NPTXR: variants seen among roughly 807,000 people sequenced by gnomAD.
NPTXR encodes the protein neuronal pentraxin receptor.
NPTXR carries 12 observed loss-of-function variants against 32.2 expected under a neutral mutation model. That is an observed-to-expected ratio of 0.37 (90% CI 0.24 to 0.60). The LOEUF is 0.60. NPTXR is among the 20% of genes least tolerant of loss of function. The probability of loss-of-function intolerance (pLI) is 0.66; values close to 1 mark genes in which losing one functional copy is unlikely to be tolerated. For missense variants in NPTXR, 612 were observed against 682.9 expected, an observed-to-expected ratio of 0.90 and a Z score of 1.16; for synonymous variants, 323 against 315.8, an observed-to-expected ratio of 1.02 and a Z score of -0.24.
In NPTXR at chr22:38,821,045, C is replaced by T. The variant is rs772811442; in HGVS notation, c.*1564G>A. On this transcript the variant is annotated 3_prime_UTR_variant, in exon 5 of 5. Transcript: ENST00000333039. ...GAGTAGCTGGGACTACAGGCATGCA[C>T]CACCTAACCAGCTAAGTTTTGTATT... The T allele has an allele frequency of 6.6e-6, 1 of 152,230 alleles. No homozygotes were observed. Among genetic ancestry groups the T allele is most frequent in the African/African-American group, 2.4e-5 (1 of 41,444 alleles). 9.4% of individuals were successfully genotyped at this position (152,230 alleles called of 1,614,324 possible). A position where few individuals can be genotyped will look rare whatever the true frequency, so the allele number is the denominator to read the frequency against.
In NPTXR at chr22:38,843,215, C is replaced by T. The variant is rs2093134182; in HGVS notation, c.624+20G>A. ...CCTCACACCACCCGGGCGGCTCCCC[C>T]GACGGCGCGCGGCGCTCACCTCCAG... On this transcript the variant is annotated intron_variant, in intron 1 of 4. Transcript: ENST00000333039. The surrounding 1 kb of genome is among the most constrained non-coding windows in gnomAD (Gnocchi z 5.3). 5 of 1,305,366 alleles carry T rather than the reference C, an allele frequency of 3.8e-6. No individual in the cohort carries two copies. Among genetic ancestry groups the T allele is most frequent in the South Asian group, 2.3e-5 (1 of 44,362 alleles). The allele number at this position is 1,305,366 out of a possible 1,614,324, so 80.9% of individuals were successfully genotyped here.
Position 38,843,102 on chromosome 22 carries a change from T to A in NPTXR, c.624+133A>T. The A allele has an allele frequency of 1.1e-6, 1 of 950,262 alleles. No individual in the cohort carries two copies. Among genetic ancestry groups the A allele is most frequent in the East Asian group, 3.6e-5 (1 of 28,148 alleles). 58.9% of individuals were successfully genotyped at this position (950,262 alleles called of 1,614,324 possible). A position where few individuals can be genotyped will look rare whatever the true frequency, so the allele number is the denominator to read the frequency against. The stretch of plus-strand genomic sequence containing the variant: ...CGTTCCCTATCGAAATCCCCCCGCC[T>A]CGCCAGCGAGGAAGGCGCGATCGTC... On this transcript the variant is annotated intron_variant, in intron 1 of 4. Coordinates refer to ENST00000333039, the MANE Select transcript of NPTXR (RefSeq NM_014293.4). The surrounding 1 kb of genome is among the most constrained non-coding windows in gnomAD (Gnocchi z 5.3).
intron 2 of NPTXR, among the ~76,000 whole-genome samples, chr22:38,827,839 C>G (rs2093109651): frequency 6.6e-6 from 1 of 152,180 alleles, no homozygotes; most frequent in Non-Finnish European, 1.5e-5. Context: ...TTCCTTTGAC[C>G]CCTTGGCAGT....
chr22:38,837,236 C>T (rs1371685074), intron 1 of NPTXR, among the ~76,000 whole-genome samples: 4 of 152,200 alleles, frequency 2.6e-5, no homozygotes, highest in African/African-American at 4.8e-5. Context: ...TGATCTGGCC[C>T]TGGAGTCTGT....
rs768951504 is a variant in NPTXR at position 38,843,256 on chromosome 22, C to T, written c.603G>A (p.Arg201=). 1.1e-5 allele frequency: 15 copies of T among 1,418,070 alleles called. No homozygotes were observed. In the South Asian group the frequency reaches 2.2e-4, roughly 20 times the overall value. The allele number at this position is 1,418,070 out of a possible 1,614,324, so 87.8% of individuals were successfully genotyped here. A position where few individuals can be genotyped will look rare whatever the true frequency, so the allele number is the denominator to read the frequency against. ...TCACCTCCAGGCGGTCGATGCGGTCCCGCAGGGCGCGCACGGCGTCCTCCA... is the reference window on the plus strand; with the variant it reads ...TCACCTCCAGGCGGTCGATGCGGTCTCGCAGGGCGCGCACGGCGTCCTCCA... The change falls in exon 1 of 5, where the codon CGG becomes CGA. Residue 201 remains arginine (R), a synonymous_variant. Coordinates refer to ENST00000333039, the MANE Select transcript of NPTXR (RefSeq NM_014293.4). This position sits in a 1 kb window ranked among gnomAD's most constrained non-coding sequence, Gnocchi z 5.3.
In NPTXR at chr22:38,822,379, G is replaced by T; in HGVS notation, c.*230C>A. On this transcript the variant is annotated 3_prime_UTR_variant, in exon 5 of 5. Coordinates refer to ENST00000333039, the MANE Select transcript of NPTXR (RefSeq NM_014293.4). Reference sequence around the variant, plus strand: ...ACTCCAGTGCAGTGCCAGGTGGGCAGGCTCCCACTGTTCACTTGAGACGCT... The same window carrying T: ...ACTCCAGTGCAGTGCCAGGTGGGCATGCTCCCACTGTTCACTTGAGACGCT... 1 of 568,020 alleles carries T rather than the reference G, an allele frequency of 1.8e-6. No individual in the cohort carries two copies. The highest frequency in any genetic ancestry group is 3.2e-6 in the Non-Finnish European group (1 of 314,736). 35.2% of individuals were successfully genotyped at this position (568,020 alleles called of 1,614,324 possible).
chr22:38,822,427 G>A lies in NPTXR; in HGVS notation c.*182C>T. 2 of 614,108 alleles carry A rather than the reference G, an allele frequency of 3.3e-6. No individual in the cohort carries two copies. Among genetic ancestry groups the A allele is most frequent in the South Asian group, 3.8e-5 (2 of 52,492 alleles). 38.0% of individuals were successfully genotyped at this position (614,108 alleles called of 1,614,324 possible). A position where few individuals can be genotyped will look rare whatever the true frequency, so the allele number is the denominator to read the frequency against. Reference sequence around the variant, plus strand: ...GCTCCTCCCCACTCAGGTGGGGACAGGGGACACACTCGCAGGGCAGGGCAT... The same window carrying A: ...GCTCCTCCCCACTCAGGTGGGGACAAGGGACACACTCGCAGGGCAGGGCAT... On this transcript the variant is annotated 3_prime_UTR_variant, in exon 5 of 5. Transcript: ENST00000333039.
chr22:38,836,693 C>T (rs2093124436), intron 1 of NPTXR, among the ~76,000 whole-genome samples: 1 of 152,150 alleles, frequency 6.6e-6, no homozygotes, highest in South Asian at 2.1e-4. Context: ...GGTATCCATC[C>T]ACAAATTTTC....
At chr22:38,842,777 C>T (rs2093133467) in intron 1 of NPTXR, among the ~76,000 whole-genome samples, 1 of 152,138 alleles carries the variant, frequency 6.6e-6, no homozygotes, top group African/African-American at 2.4e-5. Context: ...GGGGAGGACC[C>T]CAAGTCCTTT....
At chr22:38,828,012 T>C (rs78766765) in intron 2 of NPTXR, among the ~76,000 whole-genome samples, 44 of 152,336 alleles carry the variant, frequency 2.9e-4, no homozygotes, top group African/African-American at 1.0e-3. Context: ...TGAGCTTCGG[T>C]CTTCTCATCT....
intron 1 of NPTXR, among the ~76,000 whole-genome samples, chr22:38,837,376 C>G (rs561482456): frequency 6.6e-6 from 1 of 152,318 alleles, no homozygotes; most frequent in East Asian, 1.9e-4. Context: ...CATTCCACAG[C>G]CCCCCGCCAT....
Position 38,822,394 on chromosome 22 carries a change from C to T in NPTXR, c.*215G>A. 2 of 580,402 alleles carry T rather than the reference C, an allele frequency of 3.4e-6. No homozygotes were observed. The highest frequency in any genetic ancestry group is 6.2e-6 in the Non-Finnish European group (2 of 323,122). The allele number at this position is 580,402 out of a possible 1,614,324, so 36.0% of individuals were successfully genotyped here. On this transcript the variant is annotated 3_prime_UTR_variant, in exon 5 of 5. Coordinates refer to ENST00000333039, the MANE Select transcript of NPTXR (RefSeq NM_014293.4). ...CAGGTGGGCAGGCTCCCACTGTTCA[C>T]TTGAGACGCTCCTCCCCACTCAGGT...
At chr22:38,828,176 C>T (rs1963122351) in intron 2 of NPTXR, 111 bp downstream of exon 2, 3 of 815,222 alleles carry the variant, frequency 3.7e-6, no homozygotes, top group African/African-American at 3.4e-5. Flanking sequence ...CAGCCTCCTC[C>T]CCACCCTCCA....
Position 38,842,823 on chromosome 22 carries a change from G to A in NPTXR, c.624+412C>T, listed in dbSNP as rs539514579. ...TCCATCTCCTGGCCATAAAGTGTGAGCGTGGAGCTGGGCTGATTTGGGGGT... is the reference window on the plus strand; with the variant it reads ...TCCATCTCCTGGCCATAAAGTGTGAACGTGGAGCTGGGCTGATTTGGGGGT... On this transcript the variant is annotated intron_variant, in intron 1 of 4. Coordinates refer to ENST00000333039, the MANE Select transcript of NPTXR (RefSeq NM_014293.4). 1.2e-4 allele frequency among the ~76,000 whole-genome samples: 18 copies of A among 152,360 alleles called. No homozygotes were observed. The South Asian group carries it at 3.5e-3, about 30-fold the overall frequency.
At chr22:38,838,573 A>ACTTT (rs200891254) in intron 1 of NPTXR, among the ~76,000 whole-genome samples, 6 of 83,188 alleles carry the variant, frequency 7.2e-5, no homozygotes, top group African/African-American at 5.4e-5. Context: ...TCACCTGGCT[A>ACTTT]TTTTTTTTTT....
rs777755585 is a variant in NPTXR, at chr22:38,828,425, G to C, written c.712C>G (p.Leu238Val). ...ACCTGGGCCAGCAGCTGCCCCTCCA[G>C]CTGGTCCATCTTGGAGTGTAGGCCG... Residue 238 changes from leucine (L) to valine (V), a missense_variant, in exon 2 of 5, where the codon CTG becomes GTG. Coordinates refer to ENST00000333039, the MANE Select transcript of NPTXR (RefSeq NM_014293.4). 3.1e-6 allele frequency: 5 copies of C among 1,612,614 alleles called. No homozygotes were observed. The highest frequency in any genetic ancestry group is 2.5e-6 in the Non-Finnish European group (3 of 1,179,816).
chr22:38,833,024 C>T (rs2093118744), intron 1 of NPTXR, among the ~76,000 whole-genome samples: 1 of 152,096 alleles, frequency 6.6e-6, no homozygotes, highest in Non-Finnish European at 1.5e-5. Flanking sequence ...GGGGTCTATT[C>T]CCTTGCTGCA....
At chr22:38,825,842 T>C (rs5995622) in intron 3 of NPTXR, among the ~76,000 whole-genome samples, 3,066 of 25,586 alleles carry the variant, frequency 0.12, 49 homozygotes, top group South Asian at 0.22. Context: ...CTCTCTCTCT[T>C]TTTTTTTTTT....
chr22:38,843,314 C>A lies in NPTXR; in HGVS notation c.545G>T (p.Gly182Val). Residue 182 changes from glycine to valine, a missense_variant, in exon 1 of 5, where the codon GGG (glycine) becomes GTG (valine). Transcript: ENST00000333039. This position sits in a 1 kb window ranked among gnomAD's most constrained non-coding sequence, Gnocchi z 5.3. ...AATGAGCGCAGGCGAGTCCCAGGGC[C>A]CGTCGGCCATGGTGTCGCGGCGGGG... The A allele has an allele frequency of 7.0e-7, 1 of 1,428,298 alleles. No individual in the cohort carries two copies. Among genetic ancestry groups the A allele is most frequent in the Non-Finnish European group, 9.1e-7 (1 of 1,098,138 alleles). 88.5% of individuals were successfully genotyped at this position (1,428,298 alleles called of 1,614,324 possible). A position where few individuals can be genotyped will look rare whatever the true frequency, so the allele number is the denominator to read the frequency against.
Sources: gnomAD v4.1 joint callset for allele counts (sites outside exome capture counted in the v4.1 genomes callset) on GRCh38, gnomAD v4.1.1 for gene constraint, Gnocchi (gnomAD v3.1) non-coding constraint, MANE v1.5 for transcripts, NCBI Gene and HGNC (gene_info 2026-07-23, HGNC 2026-07-21) for gene names.